The following CCNY variants were observed in gnomAD, a reference collection of about 807,000 sequenced individuals.
The protein encoded by CCNY is cyclin-Y.
CCNY carries 19 observed loss-of-function variants against 42.8 expected under a neutral mutation model. The observed-to-expected ratio is 0.44, with a 90% confidence interval of 0.31 to 0.65. The LOEUF (loss-of-function observed/expected upper bound fraction) is 0.65. Ranked by LOEUF, CCNY falls within the 30% of genes least tolerant of loss-of-function variation. CCNY has a pLI of 0.07. For synonymous variants in CCNY, 165 were observed against 162.7 expected (o/e 1.01, Z -0.11); for missense variants, 370 against 437.3 (o/e 0.85, Z 1.37).
At chr10:35,469,546 A>AGGCAGAACGGGAGATGGAGAGATG (rs1839340856) in intron 1 of CCNY, among the ~76,000 whole-genome samples, 1 of 152,134 alleles carries the variant, frequency 6.6e-6, no homozygotes, top group African/African-American at 2.4e-5. Flanking sequence ...GAAGATGGAG[A>AGGCAGAACGGGAGATGGAGAGATG]GGCAGAACGG....
intron 1 of CCNY, among the ~76,000 whole-genome samples, chr10:35,421,335 A>G (rs1838154451): frequency 2.0e-5 from 3 of 152,144 alleles, no homozygotes; most frequent in African/African-American, 4.8e-5. Flanking sequence ...ACGGTTTATC[A>G]TGGGTGCTTG....
At chr10:35,484,795 C>A (rs1839749717) in intron 2 of CCNY, among the ~76,000 whole-genome samples, 1 of 152,226 alleles carries the variant, frequency 6.6e-6, no homozygotes, top group Admixed American at 6.5e-5. Context: ...GGGTTTCATT[C>A]TTGCTTCTTG....
chr10:35,264,955 T>C (rs937753314), intron 3 of CCNY, among the ~76,000 whole-genome samples: 54 of 152,236 alleles, frequency 3.5e-4, no homozygotes, highest in African/African-American at 1.3e-3. Flanking sequence ...GTGGTGGTGT[T>C]TTTGTTTTTG....
chr10:35,429,536 T>A (rs756480590), intron 1 of CCNY, among the ~76,000 whole-genome samples: 2 of 152,042 alleles, frequency 1.3e-5, no homozygotes, highest in Non-Finnish European at 2.9e-5. Flanking sequence ...CATCCTAGGG[T>A]TTGTGATAGT....
At chr10:35,562,636 G>A (rs553356936) in intron 8 of CCNY, among the ~76,000 whole-genome samples, 10 of 152,268 alleles carry the variant, frequency 6.6e-5, no homozygotes, top group Admixed American at 4.6e-4. Context: ...ATGTTGTAGT[G>A]TGTCTGAATT....
At chr10:35,526,117 A>C (rs752756530) in intron 5 of CCNY, 118 bp downstream of exon 5, 2 of 890,464 alleles carry the variant, frequency 2.2e-6, no homozygotes, top group Non-Finnish European at 3.4e-6. Context: ...TCATATTTTC[A>C]TAGAATTTCT....
chr10:35,503,451 C>T (rs755627252), intron 3 of CCNY, among the ~76,000 whole-genome samples: 3 of 152,132 alleles, frequency 2.0e-5, no homozygotes, highest in Non-Finnish European at 2.9e-5. Context: ...AGTCCTGCCA[C>T]GCTAGGAAAA....
intron 4 of CCNY, 37 bp downstream of exon 4, chr10:35,516,660 C>CATTTTTTTTTTTTTTTTTTTTTTTT (rs1840433229): frequency 1.9e-6 from 1 of 533,704 alleles, no homozygotes; most frequent in Non-Finnish European, 2.8e-6. Flanking sequence ...TTCCTTCCTT[C>CATTTTTTTTTTTTTTTTTTTTTTTT]CTTTTTTTTT....
chr10:35,485,513 C>G (rs1839766263), intron 2 of CCNY, among the ~76,000 whole-genome samples: 2 of 152,154 alleles, frequency 1.3e-5, no homozygotes, highest in African/African-American at 4.8e-5. Context: ...ATCACGAGGT[C>G]AGGAGATCGA....
intron 3 of CCNY, among the ~76,000 whole-genome samples, chr10:35,265,832 T>C (rs941590982): frequency 6.6e-6 from 1 of 152,176 alleles, no homozygotes; most frequent in Non-Finnish European, 1.5e-5. Flanking sequence ...GGGGCAGATA[T>C]GAAGCCCACC....
At chr10:35,313,172 G>A (rs898168422) in intron 3 of CCNY, among the ~76,000 whole-genome samples, 2 of 152,078 alleles carry the variant, frequency 1.3e-5, no homozygotes, top group African/African-American at 2.4e-5. Flanking sequence ...ACGTGGACTC[G>A]TGTTTGAAAG....
At chr10:35,268,702 C>T (rs1018997113) in intron 3 of CCNY, among the ~76,000 whole-genome samples, 28 of 152,340 alleles carry the variant, frequency 1.8e-4, no homozygotes, top group African/African-American at 6.7e-4. Flanking sequence ...CCAGCCTGTA[C>T]AGCCCTTGCA....
chr10:35,396,174 G>C (rs2135219942), intron 1 of CCNY, among the ~76,000 whole-genome samples: 1 of 152,272 alleles, frequency 6.6e-6, no homozygotes, highest in East Asian at 1.9e-4. Flanking sequence ...GTGAAAATTG[G>C]GTTCAGTTCT....
At chr10:35,284,472 A>ATATC (rs1215166463) in intron 3 of CCNY, among the ~76,000 whole-genome samples, 1 of 152,034 alleles carries the variant, frequency 6.6e-6, no homozygotes, top group Non-Finnish European at 1.5e-5. Context: ...ATATGGAGGG[A>ATATC]TATCCTTCCC....
chr10:35,415,912 G>T (rs1838013136), intron 1 of CCNY, among the ~76,000 whole-genome samples: 1 of 152,184 alleles, frequency 6.6e-6, no homozygotes, highest in Non-Finnish European at 1.5e-5. Flanking sequence ...GAGTTTTATA[G>T]ATAAAAACCA....
chr10:35,419,915 T>C (rs953228061), intron 1 of CCNY, among the ~76,000 whole-genome samples: 1 of 150,584 alleles, frequency 6.6e-6, no homozygotes, highest in Non-Finnish European at 1.5e-5. Flanking sequence ...GAAATAGATA[T>C]GGCTGTAATT....
chr10:35,390,355 G>A (rs1409373585), intron 1 of CCNY, among the ~76,000 whole-genome samples: 1 of 152,194 alleles, frequency 6.6e-6, no homozygotes, highest in Non-Finnish European at 1.5e-5. Context: ...GGAAACCCAT[G>A]TTCTTTTGCA....
intron 8 of CCNY, among the ~76,000 whole-genome samples, chr10:35,562,178 G>C (rs1262674470): frequency 6.6e-6 from 1 of 152,164 alleles, no homozygotes; most frequent in Admixed American, 6.5e-5. Context: ...TTCATGTGTA[G>C]ACAAATCCAA....
At chr10:35,502,455 C>T (rs990976321) in intron 3 of CCNY, among the ~76,000 whole-genome samples, 2 of 152,172 alleles carry the variant, frequency 1.3e-5, no homozygotes, top group Admixed American at 6.5e-5. Context: ...ATGTTGTATT[C>T]TCTGCCCTTT....
Sources: allele counts gnomAD v4.1 joint callset (sites outside exome capture counted in the v4.1 genomes callset), GRCh38; gene constraint gnomAD v4.1.1; transcripts MANE v1.5; gene names NCBI Gene and HGNC (gene_info 2026-07-23, HGNC 2026-07-21).